AMPH: variants seen among roughly 807,000 people sequenced by gnomAD.
AMPH encodes the protein amphiphysin (Stiff-Mann syndrome with breast cancer 128kD autoantigen).
In AMPH, 49 loss-of-function variants were observed where a neutral mutation model predicts 99.1. That is an observed-to-expected ratio of 0.49 (90% confidence interval 0.39 to 0.63). The LOEUF (loss-of-function observed/expected upper bound fraction) is 0.63. Ranked by LOEUF, AMPH falls within the 20% of genes least tolerant of loss-of-function variation. The pLI is 0.00. For missense variants in AMPH, 759 were observed against 863.4 expected, an observed-to-expected ratio of 0.88 and a Z score of 1.52; for synonymous variants, 314 against 317.3, an observed-to-expected ratio of 0.99 and a Z score of 0.11.
intron 1 of AMPH, among the ~76,000 whole-genome samples, chr7:38,566,313 T>C (rs1185505086): frequency 1.3e-5 from 2 of 152,120 alleles, no homozygotes; most frequent in Non-Finnish European, 2.9e-5. Flanking sequence ...TTATTGTTTT[T>C]TTTTTGTTTT....
chr7:38,502,266 G>A (rs886199195), intron 3 of AMPH, among the ~76,000 whole-genome samples: 2 of 152,144 alleles, frequency 1.3e-5, no homozygotes, highest in African/African-American at 4.8e-5. Flanking sequence ...CTTCTCTACA[G>A]CCTAGAGACT....
intron 1 of AMPH, among the ~76,000 whole-genome samples, chr7:38,548,432 C>T (rs1417236841): frequency 1.3e-5 from 2 of 152,118 alleles, no homozygotes; most frequent in Admixed American, 1.3e-4. Flanking sequence ...TGACACAGTT[C>T]CCAACTTGAC....
intron 17 of AMPH, among the ~76,000 whole-genome samples, chr7:38,397,601 G>A (rs564373904): frequency 6.6e-6 from 1 of 152,266 alleles, no homozygotes; most frequent in East Asian, 1.9e-4. Context: ...CACTGGACTG[G>A]GTAAAGATTT....
At chr7:38,393,793 C>A (rs1408337215) in intron 18 of AMPH, among the ~76,000 whole-genome samples, 1 of 152,148 alleles carries the variant, frequency 6.6e-6, no homozygotes, top group Non-Finnish European at 1.5e-5. Flanking sequence ...CAGCCACAGG[C>A]CCTGAGGGCC....
chr7:38,469,566 T>A (rs1034395928), intron 7 of AMPH, among the ~76,000 whole-genome samples: 1 of 151,606 alleles, frequency 6.6e-6, no homozygotes, highest in African/African-American at 2.4e-5. Context: ...TGAGGAAGAG[T>A]TTTTTCCTAG....
chr7:38,408,831 T>C (rs1785134505), intron 17 of AMPH, among the ~76,000 whole-genome samples: 1 of 152,208 alleles, frequency 6.6e-6, no homozygotes, highest in African/African-American at 2.4e-5. Context: ...CTGTATTTGT[T>C]CTATAGATTT....
chr7:38,545,355 AGCTT>A (rs1790957311), intron 1 of AMPH, among the ~76,000 whole-genome samples: 1 of 152,152 alleles, frequency 6.6e-6, no homozygotes, highest in African/African-American at 2.4e-5. Flanking sequence ...CACCAAGAAC[AGCTT>A]GCTTTTTCCC....
intron 17 of AMPH, among the ~76,000 whole-genome samples, chr7:38,414,452 A>G (rs1275075715): frequency 6.6e-6 from 1 of 152,218 alleles, no homozygotes; most frequent in Non-Finnish European, 1.5e-5. Context: ...ACACTGGTAT[A>G]ATTCACATCA....
intron 2 of AMPH, among the ~76,000 whole-genome samples, chr7:38,528,739 T>C (rs2129037846): frequency 6.6e-6 from 1 of 152,126 alleles, no homozygotes; most frequent in African/African-American, 2.4e-5. Flanking sequence ...TCTGTTCTTT[T>C]TTTATTTCCT....
At chr7:38,392,164 C>T (rs907969979) in intron 18 of AMPH, 147 bp from the exon 19 acceptor site, 4 of 731,936 alleles carry the variant, frequency 5.5e-6, no homozygotes, top group South Asian at 3.7e-5. Context: ...CTGGGCCTTC[C>T]GCTGTGCCAC....
At chr7:38,404,823 G>A (rs1404234801) in intron 17 of AMPH, among the ~76,000 whole-genome samples, 1 of 152,176 alleles carries the variant, frequency 6.6e-6, no homozygotes, top group Non-Finnish European at 1.5e-5. Context: ...GATCTTGATA[G>A]AGAAGTATTT....
At chr7:38,619,491 T>A (rs1279219586) in intron 1 of AMPH, among the ~76,000 whole-genome samples, 1 of 152,084 alleles carries the variant, frequency 6.6e-6, no homozygotes. Flanking sequence ...GGATAGAACA[T>A]CTAGATAGAA....
At chr7:38,629,054 T>C (rs1794361639) in intron 1 of AMPH, among the ~76,000 whole-genome samples, 2 of 152,190 alleles carry the variant, frequency 1.3e-5, no homozygotes, top group Admixed American at 1.3e-4. Flanking sequence ...ATATGGTCTA[T>C]AGTTATTGGG....
intron 1 of AMPH, among the ~76,000 whole-genome samples, chr7:38,575,613 T>C (rs1387925520): frequency 6.6e-6 from 1 of 152,216 alleles, no homozygotes; most frequent in Non-Finnish European, 1.5e-5. Flanking sequence ...CCTGCTGTCA[T>C]GTGAAGAAGG....
intron 11 of AMPH, among the ~76,000 whole-genome samples, chr7:38,447,952 C>A (rs1460731761): frequency 6.6e-6 from 1 of 152,144 alleles, no homozygotes; most frequent in African/African-American, 2.4e-5. Flanking sequence ...ACACTTGTGA[C>A]TTCCCAATGA....
chr7:38,523,799 A>G (rs1473257379), intron 2 of AMPH, among the ~76,000 whole-genome samples: 1 of 152,230 alleles, frequency 6.6e-6, no homozygotes, highest in Non-Finnish European at 1.5e-5. Context: ...CATCAGAGTA[A>G]CAGCTGATTT....
chr7:38,481,632 G>A (rs989682907), intron 5 of AMPH, among the ~76,000 whole-genome samples: 5 of 152,008 alleles, frequency 3.3e-5, no homozygotes, highest in East Asian at 1.9e-4. Flanking sequence ...AAACCATAAC[G>A]CAGGGTATCC....
intron 7 of AMPH, among the ~76,000 whole-genome samples, chr7:38,467,800 G>A (rs1022829225): frequency 6.6e-6 from 1 of 151,988 alleles, no homozygotes; most frequent in Non-Finnish European, 1.5e-5. Context: ...GTGGATATGG[G>A]CAGAAACAGA....
Position 38,461,402 on chromosome 7 carries a change from C to A in AMPH, c.898G>T (p.Gly300Trp). The change falls in exon 11 of 21, where the codon GGG (glycine) becomes TGG (tryptophan). Residue 300 changes from glycine (G) to tryptophan (W), a missense_variant. Transcript: ENST00000356264. ...TTAGGTAGAGGTGGGACAGGAGGCC[C>A]TTTCCTTGTCTAGGAAGCATTAAAT... ...RPRSPSQTRK[G>W]PPVPPLPKVT... The A allele has an allele frequency of 1.2e-6, 2 of 1,614,092 alleles. No individual in the cohort carries two copies. The highest frequency in any genetic ancestry group is 1.7e-6 in the Non-Finnish European group (2 of 1,179,940).
Sources: allele counts gnomAD v4.1 joint callset (sites outside exome capture counted in the v4.1 genomes callset), GRCh38; gene constraint gnomAD v4.1.1; transcripts MANE v1.5; gene names NCBI Gene and HGNC (gene_info 2026-07-23, HGNC 2026-07-21).